PPP3CC: variants seen among roughly 807,000 people sequenced by gnomAD.
PPP3CC encodes serine/threonine-protein phosphatase 2B catalytic subunit gamma isoform.
A neutral mutation model predicts 60.3 loss-of-function variants in PPP3CC; 35 were observed. That is an observed-to-expected ratio of 0.58 (90% CI 0.44 to 0.77). The LOEUF (loss-of-function observed/expected upper bound fraction) is 0.77. Among genes scored for constraint, PPP3CC ranks in the 30% least tolerant of loss-of-function variants. The probability of loss-of-function intolerance (pLI) is 0.00; values close to 1 mark genes in which losing one functional copy is unlikely to be tolerated. For synonymous variants in PPP3CC, 206 were observed against 224.3 expected (o/e 0.92, Z 0.73); for missense variants, 570 against 628.9 (o/e 0.91, Z 1.00).
chr8:22,522,732 A>G lies in PPP3CC; in HGVS notation c.926A>G (p.Asp309Gly). Residue 309 changes from aspartate (D) to glycine (G), a missense_variant, in exon 8 of 14, where the codon GAT (aspartate) becomes GGT (glycine). By Grantham distance (94) the Asp-to-Gly change is moderately conservative (BLOSUM62 -1). Transcript: ENST00000240139. ...ITIFSAPNYL[D>G]VYNNKAAVLK... ...ATTTTCTCTGCCCCCAATTACCTAG[A>G]TGTCTATAACAATAAAGGTAAAGGA... 1 of 1,585,034 alleles carries G rather than the reference A, an allele frequency of 6.3e-7. No individual in the cohort carries two copies. The highest frequency in any genetic ancestry group is 8.7e-7 in the Non-Finnish European group (1 of 1,153,914).
intron 1 of PPP3CC, among the ~76,000 whole-genome samples, chr8:22,461,403 C>A (rs1466290974): frequency 6.6e-6 from 1 of 152,006 alleles, no homozygotes; most frequent in Admixed American, 6.5e-5. Context: ...TGGGTAAGTT[C>A]CAGCAGTATT....
chr8:22,482,107 C>A (rs1482858958), intron 3 of PPP3CC, among the ~76,000 whole-genome samples: 1 of 152,092 alleles, frequency 6.6e-6, no homozygotes, highest in African/African-American at 2.4e-5. Context: ...AGGAATCACC[C>A]CACTGTCTTC....
intron 4 of PPP3CC, among the ~76,000 whole-genome samples, chr8:22,502,349 G>T (rs1838786164): frequency 6.6e-6 from 1 of 152,194 alleles, no homozygotes; most frequent in South Asian, 2.1e-4. Flanking sequence ...GATGAAATAA[G>T]TGATAATATG....
intron 1 of PPP3CC, among the ~76,000 whole-genome samples, chr8:22,470,274 A>G (rs2132460749): frequency 6.6e-6 from 1 of 152,208 alleles, no homozygotes; most frequent in Non-Finnish European, 1.5e-5. Context: ...GGTGTGAGCC[A>G]CGATGCCTGG....
intron 6 of PPP3CC, among the ~76,000 whole-genome samples, chr8:22,517,888 C>G (rs552105647): frequency 2.2e-4 from 34 of 152,032 alleles, no homozygotes; most frequent in African/African-American, 7.7e-4. Flanking sequence ...CTTCTGCTTA[C>G]TTTGGGCTTA....
rs2469772 is a variant in PPP3CC, at chr8:22,518,717, C to T, written c.771-3774C>T. On this transcript the variant is annotated intron_variant, in intron 6 of 13. Transcript: ENST00000240139. ...TTATTATTATTTTGAGATGGAGTCT[C>T]GCTCTGTCGCCCAGGCTGGAGTATA... Among the ~76,000 whole-genome samples the T allele has an allele frequency of 7.9e-3, 1,208 of 151,974 alleles. 19 individuals are homozygous for T. Among genetic ancestry groups the T allele is most frequent in the African/African-American group, 0.028 (1,145 of 41,398 alleles).
At chr8:22,513,226 C>T in intron 5 of PPP3CC, 67 bp from the exon 6 acceptor site, 3 of 1,505,430 alleles carry the variant, frequency 2.0e-6, no homozygotes, top group Non-Finnish European at 9.0e-7. Flanking sequence ...TTCTTTGACA[C>T]ATACTAGTTT....
chr8:22,526,952 C>T (rs1246357437), intron 8 of PPP3CC, among the ~76,000 whole-genome samples: 2 of 152,134 alleles, frequency 1.3e-5, no homozygotes, highest in Non-Finnish European at 2.9e-5. Context: ...TATAAACTCC[C>T]AGAGAGTGTA....
intron 10 of PPP3CC, among the ~76,000 whole-genome samples, chr8:22,531,103 C>T (rs1839703232): frequency 6.6e-6 from 1 of 152,076 alleles, no homozygotes; most frequent in African/African-American, 2.4e-5. Context: ...ATGGAAGAAA[C>T]TACTGACAAA....
chr8:22,467,909 A>T (rs1034305193), intron 1 of PPP3CC, among the ~76,000 whole-genome samples: 3 of 152,218 alleles, frequency 2.0e-5, no homozygotes, highest in East Asian at 1.9e-4. Context: ...AGAAGGGACA[A>T]ACAAGCTCCT....
chr8:22,534,447 A>G (rs1201810929), intron 12 of PPP3CC, among the ~76,000 whole-genome samples: 2 of 151,914 alleles, frequency 1.3e-5, no homozygotes, highest in African/African-American at 2.4e-5. Context: ...GAGTCTGACA[A>G]TACCAAGTAT....
intron 9 of PPP3CC, among the ~76,000 whole-genome samples, chr8:22,528,071 C>T (rs1839607568): frequency 6.6e-6 from 1 of 152,112 alleles, no homozygotes; most frequent in African/African-American, 2.4e-5. Context: ...CTTGTCATTC[C>T]CTCAGATTTC....
chr8:22,475,976 A>G (rs1309578027), intron 3 of PPP3CC, among the ~76,000 whole-genome samples: 1 of 152,218 alleles, frequency 6.6e-6, no homozygotes, highest in Non-Finnish European at 1.5e-5. Flanking sequence ...TTATAAGACC[A>G]TAAGCTGCTG....
intron 3 of PPP3CC, among the ~76,000 whole-genome samples, chr8:22,484,880 AGAG>A (rs1448186890): frequency 5.3e-5 from 8 of 152,148 alleles, no homozygotes; most frequent in African/African-American, 1.9e-4. Context: ...GAAAAAGATA[AGAG>A]GAGGCAGAGC....
chr8:22,540,500 A>G (rs1045180455), intron 13 of PPP3CC, 115 bp from the exon 14 acceptor site: 13 of 1,038,692 alleles, frequency 1.3e-5, no homozygotes, highest in Admixed American at 7.3e-5. Flanking sequence ...TGTGCTCCAT[A>G]GCCACCTTTC....
At chr8:22,506,114 C>T (rs944596810) in intron 4 of PPP3CC, among the ~76,000 whole-genome samples, 2 of 152,056 alleles carry the variant, frequency 1.3e-5, no homozygotes, top group African/African-American at 4.8e-5. Context: ...GGGCATCTTT[C>T]AAATGGGAAT....
intron 3 of PPP3CC, among the ~76,000 whole-genome samples, chr8:22,493,339 TGAAACAAAG>T (rs1267765090): frequency 6.6e-6 from 1 of 151,714 alleles, no homozygotes; most frequent in African/African-American, 2.4e-5. Flanking sequence ...GAATCAAGTT[TGAAACAAAG>T]GTTAATAAAG....
At chr8:22,450,638 A>G (rs1407348875) in intron 1 of PPP3CC, among the ~76,000 whole-genome samples, 3 of 152,264 alleles carry the variant, frequency 2.0e-5, no homozygotes, top group African/African-American at 4.8e-5. Flanking sequence ...TCTGTGAACA[A>G]TATCAAGGGT....
intron 8 of PPP3CC, chr8:22,523,566 A>G: frequency 2.6e-6 from 1 of 384,062 alleles, no homozygotes. Context: ...TTACCTTGGG[A>G]GGCTACACAC....
Sources: allele counts gnomAD v4.1 joint callset (sites outside exome capture counted in the v4.1 genomes callset), GRCh38; gene constraint gnomAD v4.1.1; transcripts MANE v1.5; gene names NCBI Gene and HGNC (gene_info 2026-07-23, HGNC 2026-07-21).